TIGAR: variants seen among roughly 807,000 people sequenced by gnomAD.
TIGAR encodes the protein fructose-2,6-bisphosphatase TIGAR.
TIGAR carries 7 observed loss-of-function variants against 17.9 expected under a neutral mutation model. The ratio of observed to expected loss-of-function variants is 0.39; its 90% CI spans 0.22 to 0.73. The LOEUF is 0.73. Ranked by LOEUF, TIGAR falls within the 30% of genes least tolerant of loss-of-function variation. TIGAR has a pLI of 0.42. For missense variants in TIGAR, 258 were observed against 327.4 expected, an observed-to-expected ratio of 0.79 and a Z score of 1.64; for synonymous variants, 94 against 108.6, an observed-to-expected ratio of 0.87 and a Z score of 0.84.
rs960536999 is a variant in TIGAR at position 4,355,472 on chromosome 12, T to C, written c.*2781T>C. 2.0e-5 allele frequency among the ~76,000 whole-genome samples: 3 copies of C among 152,234 alleles called. No individual in the cohort carries two copies. The highest frequency in any genetic ancestry group is 1.3e-4 in the Admixed American group (2 of 15,290). The stretch of plus-strand genomic sequence containing the variant: ...CTCTTGTTCATTTTTAAAGTTGTCT[T>C]AACTATTTATGCACTTTTATTCTTC... On this transcript the variant is annotated 3_prime_UTR_variant, in exon 6 of 6. Coordinates refer to ENST00000179259, the MANE Select transcript of TIGAR (RefSeq NM_020375.3).
At chr12:4,344,527 A>G (rs1333042181) in intron 3 of TIGAR, among the ~76,000 whole-genome samples, 2 of 152,214 alleles carry the variant, frequency 1.3e-5, no homozygotes, top group Non-Finnish European at 2.9e-5. Context: ...CTTATCCACC[A>G]TGATCAAGTG....
intron 2 of TIGAR, among the ~76,000 whole-genome samples, chr12:4,336,608 A>G (rs1344915038): frequency 6.6e-6 from 1 of 152,192 alleles, no homozygotes; most frequent in Non-Finnish European, 1.5e-5. Flanking sequence ...AAAGACAAAG[A>G]AATGGAGGGA....
rs1462956304 is a variant in TIGAR, at chr12:4,354,198, G to A, written c.*1507G>A. ...CATATGTAAAATTCAGTATTATATT[G>A]TTCTTAGTGTGTCTAGCACTACCAG... On this transcript the variant is annotated 3_prime_UTR_variant, in exon 6 of 6. Transcript: ENST00000179259. 6.6e-6 allele frequency: 1 copy of A among 152,068 alleles called. No individual in the cohort carries two copies. The highest frequency in any genetic ancestry group is 2.4e-5 in the African/African-American group (1 of 41,408). The allele number at this position is 152,068 out of a possible 1,614,324, so 9.4% of individuals were successfully genotyped here. A position where few individuals can be genotyped will look rare whatever the true frequency, so the allele number is the denominator to read the frequency against.
intron 3 of TIGAR, among the ~76,000 whole-genome samples, chr12:4,349,260 A>G (rs1864812328): frequency 6.6e-6 from 1 of 152,178 alleles, no homozygotes; most frequent in African/African-American, 2.4e-5. Context: ...GTCCCAGTAA[A>G]ATACTTTATT....
chr12:4,351,326 C>G lies in TIGAR; in HGVS notation c.330C>G (p.Ala110=). Residue 110 remains alanine (A), a synonymous_variant, in exon 5 of 6, where the codon GCC becomes GCG. Transcript: ENST00000179259. ...AGCTGAGGGCCATGGCCAAAGCAGC[C>G]AGGGAAGAGTGCCCTGTGTTTACAC... ...LSELRAMAKA[A]REECPVFTPP... is the part of the protein sequence containing the mutation. The G allele has an allele frequency of 6.2e-7, 1 of 1,614,138 alleles. No homozygotes were observed. The highest frequency in any genetic ancestry group is 8.5e-7 in the Non-Finnish European group (1 of 1,180,010).
At chr12:4,342,573 G>C (rs970116902) in intron 3 of TIGAR, among the ~76,000 whole-genome samples, 1 of 152,170 alleles carries the variant, frequency 6.6e-6, no homozygotes, top group Non-Finnish European at 1.5e-5. Context: ...GAGAGTGGGG[G>C]CCAATATTCA....
chr12:4,324,296 C>T, intron 1 of TIGAR: 1 of 671,208 alleles, frequency 1.5e-6, no homozygotes, highest in East Asian at 2.7e-5. Context: ...TGCAGTGAGT[C>T]CCCGGCAAAA....
intron 1 of TIGAR, chr12:4,324,663 C>T (rs1864519603): frequency 3.3e-6 from 4 of 1,209,240 alleles, no homozygotes; most frequent in Non-Finnish European, 4.8e-6. Flanking sequence ...GTTTCCGCCG[C>T]AGGCCCGGGT....
chr12:4,326,565 A>G (rs1377002406), intron 1 of TIGAR, among the ~76,000 whole-genome samples: 2 of 152,222 alleles, frequency 1.3e-5, no homozygotes, highest in African/African-American at 4.8e-5. Flanking sequence ...TAATAATACT[A>G]TTGAGTCTAC....
chr12:4,356,089 G>A lies in TIGAR; in HGVS notation c.*3398G>A, dbSNP rs754196644. On this transcript the variant is annotated 3_prime_UTR_variant, in exon 6 of 6. Transcript: ENST00000179259. The stretch of plus-strand genomic sequence containing the variant: ...GATGTGATCAGACTTGTTTCAGCAG[G>A]ACCATCCTGCTTGCAATGTGGAGAG... Among the ~76,000 whole-genome samples, 3 of 152,204 alleles carry A rather than the reference G, an allele frequency of 2.0e-5. No homozygotes were observed. The highest frequency in any genetic ancestry group is 1.3e-4 in the Admixed American group (2 of 15,280).
At chr12:4,328,712 G>A (rs1359092310) in intron 1 of TIGAR, among the ~76,000 whole-genome samples, 1 of 151,838 alleles carries the variant, frequency 6.6e-6, no homozygotes, top group African/African-American at 2.4e-5. Context: ...GAGTAGCTGG[G>A]ACTACAGGCA....
rs201324724 is a variant in TIGAR, at chr12:4,358,725, C to CTT, written c.*6046_*6047dup. 2.0e-4 allele frequency among the ~76,000 whole-genome samples: 28 copies of CTT among 141,814 alleles called. 1 individual carries two copies. The East Asian group carries it at 2.0e-3, about 10-fold the overall frequency. The allele number at this position is 141,814 out of a possible 152,430, so 93.0% of individuals were successfully genotyped here. A position where few individuals can be genotyped will look rare whatever the true frequency, so the allele number is the denominator to read the frequency against. On this transcript the variant is annotated 3_prime_UTR_variant, in exon 6 of 6. Transcript: ENST00000179259. ...AATTATTTTGTTGATGTACCTGTGG[C>CTT]TTTTTTTTTTTTTCTGAATCAAGAA...
At chr12:4,325,614 C>T (rs368001115) in intron 1 of TIGAR, among the ~76,000 whole-genome samples, 2 of 151,838 alleles carry the variant, frequency 1.3e-5, no homozygotes, top group Non-Finnish European at 2.9e-5. Context: ...TAGTGGCACT[C>T]GCCTGTAATC....
intron 1 of TIGAR, among the ~76,000 whole-genome samples, chr12:4,328,140 A>G (rs1489201886): frequency 6.6e-6 from 1 of 152,204 alleles, no homozygotes; most frequent in African/African-American, 2.4e-5. Flanking sequence ...GGTAGAGGCT[A>G]ATATCCTCTT....
chr12:4,322,562 T>C (rs1427553089), intron 1 of TIGAR, among the ~76,000 whole-genome samples: 1 of 152,218 alleles, frequency 6.6e-6, no homozygotes, highest in Non-Finnish European at 1.5e-5. Context: ...CACCAGCATT[T>C]TGAGTAGGTA....
Position 4,352,704 on chromosome 12 carries a change from A to G in TIGAR, c.*13A>G, listed in dbSNP as rs1864850860. 1 of 1,589,658 alleles carries G rather than the reference A, an allele frequency of 6.3e-7. No homozygotes were observed. Among genetic ancestry groups the G allele is most frequent in the Admixed American group, 1.7e-5 (1 of 59,058 alleles). ...TGAAACTCGCTAAGGTTAAATCTGC[A>G]TCAAAATCTAACCATTTTGAGCCTC... On this transcript the variant is annotated 3_prime_UTR_variant, in exon 6 of 6. Coordinates refer to ENST00000179259, the MANE Select transcript of TIGAR (RefSeq NM_020375.3).
intron 1 of TIGAR, chr12:4,324,599 C>T (rs984786283): frequency 7.3e-5 from 116 of 1,585,528 alleles, no homozygotes; most frequent in Non-Finnish European, 2.4e-5. Flanking sequence ...TCCGGCTTCT[C>T]CATGGGCGGT....
At position 4,354,976 on chromosome 12, in the gene TIGAR, C is replaced by T. The variant is rs1317816458; in HGVS notation, c.*2285C>T. ...GAACTTCTGACCTCAGGTGATCCAC[C>T]TGCCTTGGCCTTCCAAAGTGCTGGG... On this transcript the variant is annotated 3_prime_UTR_variant, in exon 6 of 6. Coordinates refer to ENST00000179259, the MANE Select transcript of TIGAR (RefSeq NM_020375.3). Among the ~76,000 whole-genome samples, 1 of 151,912 alleles carries T rather than the reference C, an allele frequency of 6.6e-6. No homozygotes were observed. The highest frequency in any genetic ancestry group is 1.5e-5 in the Non-Finnish European group (1 of 67,992).
At chr12:4,337,289 C>G in intron 3 of TIGAR, 129 bp downstream of exon 3, 1 of 503,728 alleles carries the variant, frequency 2.0e-6, no homozygotes, top group Non-Finnish European at 3.0e-6. Flanking sequence ...GCCTCAGCCT[C>G]CCAATAGCTG....
Sources: allele counts gnomAD v4.1 joint callset (sites outside exome capture counted in the v4.1 genomes callset), GRCh38; gene constraint gnomAD v4.1.1; transcripts MANE v1.5; gene names NCBI Gene and HGNC (gene_info 2026-07-23, HGNC 2026-07-21).